Variants in ZMYM6 observed in about 807,000 individuals in gnomAD.
ZMYM6 encodes the protein zinc finger MYM-type protein 6.
In ZMYM6, 90 loss-of-function variants were observed where a neutral mutation model predicts 134.0. The observed-to-expected ratio is 0.67, with a 90% CI of 0.57 to 0.80. The LOEUF is 0.80. ZMYM6 is among the 30% of genes least tolerant of loss of function. The pLI, the probability that ZMYM6 is intolerant of heterozygous loss-of-function variation, is 0.00. For missense variants in ZMYM6, 1,362 were observed against 1,533.9 expected (o/e 0.89, Z 1.87); for synonymous variants, 481 against 524.1 (o/e 0.92, Z 1.12).
intron 15 of ZMYM6, among the ~76,000 whole-genome samples, chr1:34,991,696 G>A (rs1295613406): frequency 6.6e-6 from 1 of 152,076 alleles, no homozygotes; most frequent in Non-Finnish European, 1.5e-5. Flanking sequence ...CTTGAACCCA[G>A]GAGGCAGAGG....
rs796609053 is a variant in ZMYM6, at chr1:35,025,485, A to G, written c.94-5018T>C. On this transcript the variant is annotated intron_variant, in intron 2 of 15. Transcript: ENST00000357182. ...CCATCCCAAAAAAAAAAAAAAAAAA[A>G]AAAGAAAGAAAAAAAAAAGGTGGCA... is the stretch of plus-strand genomic sequence containing the variant. Among the ~76,000 whole-genome samples the G allele has an allele frequency of 4.1e-3, 611 of 150,062 alleles. 5 individuals are homozygous for G. Among genetic ancestry groups the G allele is most frequent in the African/African-American group, 0.013 (548 of 40,620 alleles).
chr1:35,021,441 G>A (rs1011489481), intron 2 of ZMYM6, among the ~76,000 whole-genome samples: 1 of 151,560 alleles, frequency 6.6e-6, no homozygotes, highest in Non-Finnish European at 1.5e-5. Context: ...CACTGCACCC[G>A]GCAAAAAGGA....
chr1:34,998,937 CAT>C (rs2148446601), intron 14 of ZMYM6, among the ~76,000 whole-genome samples: 1 of 152,206 alleles, frequency 6.6e-6, no homozygotes, highest in South Asian at 2.1e-4. Context: ...GCCTGGGCAA[CAT>C]AGCGAGACCT....
chr1:35,020,050 AT>A (rs970823482), intron 3 of ZMYM6, among the ~76,000 whole-genome samples: 2 of 151,434 alleles, frequency 1.3e-5, no homozygotes, highest in Admixed American at 1.3e-4. Context: ...AGAGGTTTCA[AT>A]TTTTTTTTAA....
intron 3 of ZMYM6, among the ~76,000 whole-genome samples, 185 bp downstream of exon 3, chr1:35,020,198 A>C (rs1305506097): frequency 5.3e-5 from 8 of 152,184 alleles, no homozygotes; most frequent in Non-Finnish European, 1.2e-4. Context: ...CTTACTACAC[A>C]TATCATATTC....
chr1:35,023,784 G>C (rs1413754967), intron 2 of ZMYM6, among the ~76,000 whole-genome samples: 1 of 151,738 alleles, frequency 6.6e-6, no homozygotes, highest in Non-Finnish European at 1.5e-5. Flanking sequence ...ACCATGCCTG[G>C]CTAATTTTTT....
intron 15 of ZMYM6, 57 bp downstream of exon 15, chr1:34,992,176 CA>C: frequency 6.2e-7 from 1 of 1,607,814 alleles, no homozygotes; most frequent in Non-Finnish European, 8.5e-7. Flanking sequence ...TCTTAAAAAA[CA>C]AAAACAAACA....
rs748543642 is a variant in ZMYM6 at position 34,988,643 on chromosome 1, A to T, written c.2439T>A (p.Cys813Ter). 26 of 1,547,910 alleles carry T rather than the reference A, an allele frequency of 1.7e-5. No homozygotes were observed. The highest frequency in any genetic ancestry group is 2.2e-5 in the Non-Finnish European group (25 of 1,145,890). The change falls in exon 16 of 16, where the codon TGT (cysteine) becomes TGA (stop). Residue 813 changes from cysteine to a stop codon, truncating the protein, a stop_gained. Coordinates refer to ENST00000357182, the MANE Select transcript of ZMYM6 (RefSeq NM_007167.4). LOFTEE classifies it high-confidence loss of function. ...FFEQKSLEME[C>*]QNSSLKKCLL... Reference sequence around the variant, plus strand: ...AACACTTTTTTAAAGAACTATTTTGACATTCCATTTCTAAAGATTTTTGTT... The same window carrying T: ...AACACTTTTTTAAAGAACTATTTTGTCATTCCATTTCTAAAGATTTTTGTT...
intron 10 of ZMYM6, among the ~76,000 whole-genome samples, chr1:35,010,243 A>T (rs987486644): frequency 6.6e-6 from 1 of 150,414 alleles, no homozygotes; most frequent in African/African-American, 2.5e-5. Flanking sequence ...CTGGTCTTGA[A>T]CTCCCAACCT....
chr1:34,990,959 G>A (rs1328315096), intron 15 of ZMYM6, among the ~76,000 whole-genome samples: 1 of 152,208 alleles, frequency 6.6e-6, no homozygotes, highest in East Asian at 1.9e-4. Context: ...CTACCTCCCA[G>A]GTTCAAGCGA....
chr1:34,988,200 A>C lies in ZMYM6; in HGVS notation c.2882T>G (p.Ile961Arg). Residue 961 changes from isoleucine (I) to arginine (R), a missense_variant, in exon 16 of 16, where the codon ATA becomes AGA. Ile to Arg is a moderately conservative substitution (Grantham distance 97). Transcript: ENST00000357182. ...AGATTTACTATCAATATATTTATTTATTAGTTCAAATATTTCAAAGCCAGT... is the reference window on the plus strand; with the variant it reads ...AGATTTACTATCAATATATTTATTTCTTAGTTCAAATATTTCAAAGCCAGT... ...QITGFEIFEL[I>R]NKYIDSKSLN... 6.5e-7 allele frequency: 1 copy of C among 1,548,340 alleles called. No individual in the cohort carries two copies. Among genetic ancestry groups the C allele is most frequent in the Non-Finnish European group, 8.7e-7 (1 of 1,145,444 alleles).
At chr1:35,012,251 T>A (rs1225140145) in intron 7 of ZMYM6, among the ~76,000 whole-genome samples, 180 bp downstream of exon 7, 2 of 152,164 alleles carry the variant, frequency 1.3e-5, no homozygotes, top group Non-Finnish European at 2.9e-5. Flanking sequence ...ACTGTATATA[T>A]TGCAACCAAG....
chr1:35,005,714 C>T (rs1263768878), intron 12 of ZMYM6, among the ~76,000 whole-genome samples: 2 of 151,466 alleles, frequency 1.3e-5, no homozygotes, highest in East Asian at 3.9e-4. Flanking sequence ...ACTCCTAGAC[C>T]TAAGCATGCA....
At position 35,010,457 on chromosome 1, in the gene ZMYM6, G is replaced by A. The variant is rs1641065653; in HGVS notation, c.1482C>T (p.Phe494=). 1 of 1,611,874 alleles carries A rather than the reference G, an allele frequency of 6.2e-7. No individual in the cohort carries two copies. The highest frequency in any genetic ancestry group is 8.5e-7 in the Non-Finnish European group (1 of 1,179,494). ...CAACTTTGTCTTTACCTTCACTACA[G>A]AATGGCTTATCAACCCCTGAGAATC... ...TVRFSGVDKP[F]CSEVCKFLSA... is the part of the protein sequence containing the mutation. The change falls in exon 10 of 16, where the codon TTC becomes TTT. Residue 494 remains phenylalanine, a synonymous_variant. Coordinates refer to ENST00000357182, the MANE Select transcript of ZMYM6 (RefSeq NM_007167.4).
At chr1:35,020,074 G>A (rs909547281) in intron 3 of ZMYM6, among the ~76,000 whole-genome samples, 16 of 151,958 alleles carry the variant, frequency 1.1e-4, no homozygotes, top group African/African-American at 3.4e-4. Context: ...ATTACTCAAC[G>A]CAAGAAATAC....
In ZMYM6 at chr1:35,020,471, TA is replaced by T. The variant is rs11476047; in HGVS notation, c.94-5del. 184,624 of 1,139,268 alleles carry T rather than the reference TA, an allele frequency of 0.16. 16,886 individuals carry two copies. The highest frequency in any genetic ancestry group is 0.59 in the African/African-American group (39,201 of 66,298). The allele number at this position is 1,139,268 out of a possible 1,614,324, so 70.6% of individuals were successfully genotyped here. A position where few individuals can be genotyped will look rare whatever the true frequency, so the allele number is the denominator to read the frequency against. ...GCTGTTGGACACATCCATACTCCTTTAAAAAAAAAAAGAAAAGAGAAAAGAG... is the reference window on the plus strand; with the variant it reads ...GCTGTTGGACACATCCATACTCCTTTAAAAAAAAAAGAAAAGAGAAAAGAG... On this transcript the variant is annotated splice_region_variant and splice_polypyrimidine_tract_variant and intron_variant, in intron 2 of 15. Coordinates refer to ENST00000357182, the MANE Select transcript of ZMYM6 (RefSeq NM_007167.4).
rs190649824 is a variant in ZMYM6 at position 34,995,134 on chromosome 1, T to C, written c.1993-2747A>G. ...GTATATATGTATACATATACATATA[T>C]ACACACACACACATACACACACACA... On this transcript the variant is annotated intron_variant, in intron 14 of 15. Transcript: ENST00000357182. Among the ~76,000 whole-genome samples the C allele has an allele frequency of 3.0e-3, 440 of 146,858 alleles. 2 individuals are homozygous for C. The highest frequency in any genetic ancestry group is 9.2e-3 in the African/African-American group (369 of 40,272).
At position 35,030,554 on chromosome 1, in the gene ZMYM6, T is replaced by C. The variant is rs752004886; in HGVS notation, c.86A>G (p.Asn29Ser). 23 of 1,608,354 alleles carry C rather than the reference T, an allele frequency of 1.4e-5. No homozygotes were observed. The Middle Eastern group carries it at 6.6e-4, about 46-fold the overall frequency. ...LLDKIKEEPD[N>S]AQEYGCVQQP... Reference sequence around the variant, plus strand: ...TGAAGATGAAATGCTTACTTGAGCATTGTCTGGTTCTTCTTTAATTTTGTC... The same window carrying C: ...TGAAGATGAAATGCTTACTTGAGCACTGTCTGGTTCTTCTTTAATTTTGTC... The change falls in exon 2 of 16, where the codon AAT becomes AGT. Residue 29 changes from asparagine to serine, a missense_variant. By Grantham distance (46) the Asn-to-Ser change is conservative. Coordinates refer to ENST00000357182, the MANE Select transcript of ZMYM6 (RefSeq NM_007167.4).
At chr1:34,998,420 C>T (rs1442888466) in intron 14 of ZMYM6, among the ~76,000 whole-genome samples, 2 of 152,144 alleles carry the variant, frequency 1.3e-5, no homozygotes, top group African/African-American at 4.8e-5. Flanking sequence ...TGCTCTTTGC[C>T]TCCTTTATTC....
Sources: allele counts gnomAD v4.1 joint callset (sites outside exome capture counted in the v4.1 genomes callset), GRCh38; gene constraint gnomAD v4.1.1; transcripts MANE v1.5; gene names NCBI Gene and HGNC (gene_info 2026-07-23, HGNC 2026-07-21).